The following FBXL2 variants were observed in gnomAD, a reference collection of about 807,000 sequenced individuals.
FBXL2 encodes the protein F-box and leucine rich repeat protein 2.
In FBXL2, 38 loss-of-function variants were observed where a neutral mutation model predicts 69.2. The ratio of observed to expected loss-of-function variants is 0.55; its 90% CI spans 0.42 to 0.72. The LOEUF is 0.72. Ranked by LOEUF, FBXL2 falls within the 30% of genes least tolerant of loss-of-function variation. The pLI is 0.00. For missense variants in FBXL2, 354 were observed against 520.3 expected, an observed-to-expected ratio of 0.68 and a Z score of 3.11; for synonymous variants, 192 against 201.3, an observed-to-expected ratio of 0.95 and a Z score of 0.39.
intron 2 of FBXL2, among the ~76,000 whole-genome samples, chr3:33,305,521 C>A (rs1053676331): frequency 1.3e-5 from 2 of 151,826 alleles, no homozygotes; most frequent in Admixed American, 6.6e-5. Context: ...ATTTATTTCT[C>A]ATACTATCTT....
chr3:33,375,299 T>C lies in FBXL2; in HGVS notation c.669T>C (p.Asp223=). The change falls in exon 10 of 15, where the codon GAT becomes GAC. Residue 223 remains aspartate, a synonymous_variant. Transcript: ENST00000484457. ...CTGCTTTTCCTCAGCGTATCACGGATGAAGGTGTGGTGCAGATATGCAGGG... is the reference window on the plus strand; with the variant it reads ...CTGCTTTTCCTCAGCGTATCACGGACGAAGGTGTGGTGCAGATATGCAGGG... The part of the protein sequence containing the change: ...LNLQSCSRIT[D]EGVVQICRGC... The C allele has an allele frequency of 6.2e-7, 1 of 1,613,854 alleles. No individual in the cohort carries two copies. Among genetic ancestry groups the C allele is most frequent in the South Asian group, 1.1e-5 (1 of 91,068 alleles).
At chr3:33,337,138 G>T (rs2039652571) in intron 2 of FBXL2, among the ~76,000 whole-genome samples, 1 of 152,118 alleles carries the variant, frequency 6.6e-6, no homozygotes, top group Non-Finnish European at 1.5e-5. Context: ...CCGGGAGGTG[G>T]AGGTTGCAGT....
chr3:33,361,984 T>A (rs1426938772), intron 4 of FBXL2, among the ~76,000 whole-genome samples: 1 of 152,168 alleles, frequency 6.6e-6, no homozygotes, highest in Non-Finnish European at 1.5e-5. Context: ...ACTAATAATA[T>A]TTGTTGTGTG....
chr3:33,304,889 A>G (rs147762471), intron 2 of FBXL2, among the ~76,000 whole-genome samples: 16 of 152,010 alleles, frequency 1.1e-4, no homozygotes, highest in African/African-American at 3.4e-4. Context: ...ATTTCCCTGG[A>G]TTCTAGTAAT....
chr3:33,411,727 A>G, the FBXL2 span: 1 of 1,513,688 alleles, frequency 6.6e-7, no homozygotes, highest in South Asian at 1.1e-5. Context: ...CATCCACTTT[A>G]AATAACTTAA....
intron 5 of FBXL2, among the ~76,000 whole-genome samples, chr3:33,369,128 T>C (rs2042134947): frequency 6.6e-6 from 1 of 151,986 alleles, no homozygotes; most frequent in Non-Finnish European, 1.5e-5. Context: ...CTCGACTCAC[T>C]GCAGCCTCTG....
rs546842766 is a variant in FBXL2, at chr3:33,319,250, AT to A, written c.65+21536del. Among the ~76,000 whole-genome samples, 336 of 146,164 alleles carry A rather than the reference AT, an allele frequency of 2.3e-3. 2 individuals are homozygous for A. Among genetic ancestry groups the A allele is most frequent in the South Asian group, 0.01 (48 of 4,608 alleles). On this transcript the variant is annotated intron_variant, in intron 2 of 14. Transcript: ENST00000484457. Reference sequence around the variant, plus strand: ...GGCAAGTTTATCTAACCTAAGGATGATTTTTTTTTTTAGTGAGGACTTATTG... The same window carrying A: ...GGCAAGTTTATCTAACCTAAGGATGATTTTTTTTTTAGTGAGGACTTATTG...
At chr3:33,332,510 G>T (rs978106237) in intron 2 of FBXL2, among the ~76,000 whole-genome samples, 1 of 152,230 alleles carries the variant, frequency 6.6e-6, no homozygotes, top group Admixed American at 6.5e-5. Flanking sequence ...TAGCCAGAAT[G>T]TGGGAATAAT....
intron 2 of FBXL2, among the ~76,000 whole-genome samples, chr3:33,344,119 A>AG (rs1225315427): frequency 3.9e-5 from 6 of 151,992 alleles, no homozygotes; most frequent in African/African-American, 1.4e-4. Flanking sequence ...ACAAAAAAAA[A>AG]GAAAAAAAGC....
At chr3:33,400,390 G>A (rs1358774100) in intron 12 of FBXL2, 1 of 766,528 alleles carries the variant, frequency 1.3e-6, no homozygotes, top group Non-Finnish European at 2.0e-6. Context: ...CCCAAAAAGA[G>A]CATGAGTCTG....
intron 1 of FBXL2, among the ~76,000 whole-genome samples, chr3:33,285,543 A>G (rs2034518259): frequency 6.6e-6 from 1 of 152,104 alleles, no homozygotes; most frequent in Non-Finnish European, 1.5e-5. Flanking sequence ...CTCAAGGATT[A>G]TCTTTGTGGC....
intron 5 of FBXL2, chr3:33,372,760 G>A: frequency 2.3e-6 from 1 of 432,818 alleles, no homozygotes; most frequent in Non-Finnish European, 4.2e-6. Context: ...AGGGAGCAGG[G>A]AGCTAGGCCT....
intron 1 of FBXL2, among the ~76,000 whole-genome samples, chr3:33,285,188 C>T (rs113357191): frequency 0.1 from 15,261 of 152,174 alleles, 794 homozygotes; most frequent in African/African-American, 0.12. Flanking sequence ...CTGGTTGTTC[C>T]TTTCCATGTT....
At chr3:33,375,722 A>G (rs2042591924) in intron 10 of FBXL2, among the ~76,000 whole-genome samples, 1 of 152,222 alleles carries the variant, frequency 6.6e-6, no homozygotes, top group Non-Finnish European at 1.5e-5. Flanking sequence ...GAGTGAGCAC[A>G]TAGTGAGGAG....
In FBXL2 at chr3:33,373,983, T is replaced by C. The variant is rs1426066480; in HGVS notation, c.657+62T>C. 3.3e-6 allele frequency: 5 copies of C among 1,533,228 alleles called. No homozygotes were observed. In the Admixed American group the frequency reaches 8.4e-5, roughly 26 times the overall value. 95.0% of individuals were successfully genotyped at this position (1,533,228 alleles called of 1,614,324 possible). ...ATCTTGTCTCCCAAAGCAGTCTGCC[T>C]CAGGCCTCCCTGCAGCCCCCTAGGC... On this transcript the variant is annotated intron_variant, in intron 9 of 14. Coordinates refer to ENST00000484457, the MANE Select transcript of FBXL2 (RefSeq NM_012157.5).
At chr3:33,319,931 G>A (rs2038052591) in intron 2 of FBXL2, among the ~76,000 whole-genome samples, 1 of 152,104 alleles carries the variant, frequency 6.6e-6, no homozygotes, top group Non-Finnish European at 1.5e-5. Flanking sequence ...AGATGTGCAA[G>A]TCCTATATGG....
At chr3:33,341,335 A>G (rs927132235) in intron 2 of FBXL2, among the ~76,000 whole-genome samples, 17 of 152,326 alleles carry the variant, frequency 1.1e-4, no homozygotes, top group African/African-American at 4.1e-4. Context: ...TCTTCAACAA[A>G]TAACTTGCAT....
chr3:33,409,071 T>C, the FBXL2 span, among the ~76,000 whole-genome samples: 2 of 152,198 alleles, frequency 1.3e-5, no homozygotes, highest in Non-Finnish European at 2.9e-5. Flanking sequence ...AAACAGTCTA[T>C]CAAAATCCCC....
chr3:33,323,788 T>C (rs1263260789), intron 2 of FBXL2, among the ~76,000 whole-genome samples: 1 of 152,172 alleles, frequency 6.6e-6, no homozygotes, highest in African/African-American at 2.4e-5. Context: ...TGTGTCTTTA[T>C]AGTAGAATGA....
Sources: gnomAD v4.1 joint callset for allele counts (sites outside exome capture counted in the v4.1 genomes callset) on GRCh38, gnomAD v4.1.1 for gene constraint, MANE v1.5 for transcripts, NCBI Gene and HGNC (gene_info 2026-07-23, HGNC 2026-07-21) for gene names.